Variants in EIF3M observed in about 807,000 individuals in gnomAD.
The protein encoded by EIF3M is B5 receptor.
EIF3M carries 25 observed loss-of-function variants against 49.7 expected under a neutral mutation model. The observed-to-expected ratio is 0.50, with a 90% CI of 0.37 to 0.70. The LOEUF (loss-of-function observed/expected upper bound fraction) is 0.70, where lower values mean the gene tolerates loss of function less well. EIF3M is among the 30% of genes least tolerant of loss of function. EIF3M has a pLI of 0.00. For missense variants in EIF3M, 350 were observed against 440.0 expected (o/e 0.80, Z 1.83); for synonymous variants, 156 against 149.8 (o/e 1.04, Z -0.30).
intron 5 of EIF3M, chr11:32,592,403 AAGT>A: frequency 1.8e-6 from 1 of 548,012 alleles, no homozygotes; most frequent in South Asian, 1.4e-5. Context: ...ATACTTTTCA[AAGT>A]AGTCTCTCAA....
chr11:32,584,607 C>CAAA lies in EIF3M; in HGVS notation c.42+697_42+699dup, dbSNP rs796738414. ...TGGGCGACAGAGCGAGAGTCCCTCT[C>CAAA]AAAAAAAAAAAAAAAAAAAAAGATC... On this transcript the variant is annotated intron_variant, in intron 1 of 10. Transcript: ENST00000531120. Among the ~76,000 whole-genome samples the CAAA allele has an allele frequency of 3.0e-4, 19 of 62,300 alleles. 1 individual carries two copies. The highest frequency in any genetic ancestry group is 2.1e-3 in the South Asian group (2 of 932). 40.9% of individuals were successfully genotyped at this position (62,300 alleles called of 152,430 possible).
intron 5 of EIF3M, among the ~76,000 whole-genome samples, chr11:32,593,191 T>G (rs2133198638): frequency 6.6e-6 from 1 of 152,360 alleles, no homozygotes; most frequent in Non-Finnish European, 1.5e-5. Context: ...TTAGCAAAGC[T>G]TTCTATAAGC....
intron 10 of EIF3M, 99 bp from the exon 11 acceptor site, chr11:32,602,178 ATT>A: frequency 6.7e-7 from 1 of 1,488,126 alleles, no homozygotes; most frequent in African/African-American, 1.4e-5. Context: ...AATTAGGTAT[ATT>A]TAATCTTGCT....
chr11:32,594,992 G>C lies in EIF3M; in HGVS notation c.696G>C (p.Leu232Phe). The part of the protein sequence containing the change: ...HLLTLKPVKF[L>F]EGELIHDLLT... ...TTACTTTAAAACCAGTCAAGTTTTT[G>C]GAAGGCGAGCTTATTCATGATGTAA... The change falls in exon 7 of 11, where the codon TTG becomes TTC. Residue 232 changes from leucine to phenylalanine, a missense_variant. Coordinates refer to ENST00000531120, the MANE Select transcript of EIF3M (RefSeq NM_006360.6). 6.2e-7 allele frequency: 1 copy of C among 1,613,362 alleles called. No individual in the cohort carries two copies. Among genetic ancestry groups the C allele is most frequent in the Non-Finnish European group, 8.5e-7 (1 of 1,179,712 alleles).
intron 4 of EIF3M, 106 bp from the exon 5 acceptor site, chr11:32,589,441 G>A: frequency 8.6e-7 from 1 of 1,158,330 alleles, no homozygotes; most frequent in Non-Finnish European, 1.2e-6. Flanking sequence ...CTCCCAAAGT[G>A]CTGGGGATTA....
chr11:32,601,475 G>A lies in EIF3M; in HGVS notation c.944-287G>A, dbSNP rs147111619. 206 of 252,548 alleles carry A rather than the reference G, an allele frequency of 8.2e-4. 5 individuals carry two copies. The highest frequency in any genetic ancestry group is 4.5e-3 in the African/African-American group (196 of 43,168). 15.6% of individuals were successfully genotyped at this position (252,548 alleles called of 1,614,324 possible). The stretch of plus-strand genomic sequence containing the variant: ...TTAGTTTATTCCCCTATATGAGATG[G>A]TAGGGGAAGAACACCTAGCATTCTT... On this transcript the variant is annotated intron_variant, in intron 9 of 10. Transcript: ENST00000531120.
intron 8 of EIF3M, among the ~76,000 whole-genome samples, chr11:32,597,536 G>GT (rs747527557): frequency 6.6e-6 from 1 of 152,124 alleles, no homozygotes; most frequent in South Asian, 2.1e-4. Flanking sequence ...CTTGTCTAGC[G>GT]TATCAGTTCA....
At chr11:32,583,953 G>A in intron 1 of EIF3M, 24 bp downstream of exon 1, 2 of 1,613,432 alleles carry the variant, frequency 1.2e-6, no homozygotes, top group Non-Finnish European at 8.5e-7. Flanking sequence ...TACGGGTGCC[G>A]CCACGGTGGG....
chr11:32,602,286 A>G lies in EIF3M; in HGVS notation c.1012A>G (p.Thr338Ala). The G allele has an allele frequency of 6.2e-7, 1 of 1,611,030 alleles. No homozygotes were observed. The highest frequency in any genetic ancestry group is 2.2e-5 in the East Asian group (1 of 44,754). The change falls in exon 11 of 11, where the codon ACA becomes GCA. Residue 338 changes from threonine (T) to alanine (A), a missense_variant. Physicochemically the swap from Thr to Ala is moderately conservative, Grantham distance 58. Transcript: ENST00000531120. ...TQRKVVVSHS[T>A]HRTFGKQQWQ... ...TAATTTTTCAATTTTTAGTCATAGC[A>G]CACATCGGACATTTGGAAAACAGCA...
chr11:32,589,730 T>C lies in EIF3M; in HGVS notation c.533+89T>C, dbSNP rs574209110. On this transcript the variant is annotated intron_variant, in intron 5 of 10. Coordinates refer to ENST00000531120, the MANE Select transcript of EIF3M (RefSeq NM_006360.6). ...TTAAAGAGAAGTAGGGCCAGTAATT[T>C]TGCTTTACTCTGTTCTCCACAGAGT... is the stretch of plus-strand genomic sequence containing the variant. The C allele has an allele frequency of 8.9e-5, 105 of 1,174,990 alleles. No homozygotes were observed. The African/African-American group carries it at 1.5e-3, about 17-fold the overall frequency. The allele number at this position is 1,174,990 out of a possible 1,614,324, so 72.8% of individuals were successfully genotyped here.
intron 1 of EIF3M, among the ~76,000 whole-genome samples, chr11:32,585,062 C>A (rs75368921): frequency 6.6e-6 from 1 of 152,128 alleles, no homozygotes; most frequent in South Asian, 2.1e-4. Context: ...AGACAACTTA[C>A]AGAATTGCGG....
Position 32,588,626 on chromosome 11 carries a change from C to CT in EIF3M, c.209dup (p.Leu71ThrfsTer14), listed in dbSNP as rs1855042400. On this transcript the variant is annotated frameshift_variant, in exon 3 of 11. Transcript: ENST00000531120. LOFTEE classifies it high-confidence loss of function. Reference sequence around the variant, plus strand: ...AAGTGTGATGAACAGTGTGGTATCCCTACTCTTGATCCTGGAACCAGACAA... The same window carrying CT: ...AAGTGTGATGAACAGTGTGGTATCCCTTACTCTTGATCCTGGAACCAGACAA... 2 of 1,614,118 alleles carry CT rather than the reference C, an allele frequency of 1.2e-6. No individual in the cohort carries two copies.
chr11:32,587,166 A>C (rs1195838579), intron 2 of EIF3M, 22 bp downstream of exon 2: 1 of 1,539,162 alleles, frequency 6.5e-7, no homozygotes, highest in East Asian at 2.3e-5. Flanking sequence ...ATTTTTTTCT[A>C]ATATTTCCTA....
intron 7 of EIF3M, 132 bp from the exon 8 acceptor site, chr11:32,595,832 CAG>C (rs1400360071): frequency 2.8e-5 from 18 of 641,596 alleles, no homozygotes; most frequent in East Asian, 9.8e-5. Context: ...TTTGATGAAA[CAG>C]AATGATATTT....
At chr11:32,595,638 A>G (rs1055460547) in intron 7 of EIF3M, among the ~76,000 whole-genome samples, 1 of 152,218 alleles carries the variant, frequency 6.6e-6, no homozygotes, top group Non-Finnish European at 1.5e-5. Context: ...ACTTAGGAAT[A>G]TAAGTCTGAT....
Position 32,595,350 on chromosome 11 carries a change from A to G in EIF3M, c.717+337A>G, listed in dbSNP as rs566197539. 2.0e-5 allele frequency among the ~76,000 whole-genome samples: 3 copies of G among 151,886 alleles called. No individual in the cohort carries two copies. In the East Asian group the frequency reaches 5.8e-4, roughly 30 times the overall value. On this transcript the variant is annotated intron_variant, in intron 7 of 10. Transcript: ENST00000531120. Reference sequence around the variant, plus strand: ...AAGCAATTCTCCTGCCTCAGCTTCCAGGAGAAGTAGCTGGGATTACAGGCA... The same window carrying G: ...AAGCAATTCTCCTGCCTCAGCTTCCGGGAGAAGTAGCTGGGATTACAGGCA...
rs115236034 is a variant in EIF3M at position 32,588,979 on chromosome 11, C to G, written c.315-33C>G. On this transcript the variant is annotated intron_variant, in intron 3 of 10. Coordinates refer to ENST00000531120, the MANE Select transcript of EIF3M (RefSeq NM_006360.6). Reference sequence around the variant, plus strand: ...TCAACTTAAAACTGGTTGCTGATTTCAAACATTGTTTATTTGTTTGTTAAC... The same window carrying G: ...TCAACTTAAAACTGGTTGCTGATTTGAAACATTGTTTATTTGTTTGTTAAC... 6.7e-4 allele frequency: 1,087 copies of G among 1,611,332 alleles called. 9 individuals carry two copies. The African/African-American group carries it at 0.013, about 20-fold the overall frequency.
At position 32,594,134 on chromosome 11, in the gene EIF3M, A is replaced by T. The variant is rs1855144282; in HGVS notation, c.617+185A>T. On this transcript the variant is annotated intron_variant, in intron 6 of 10. Transcript: ENST00000531120. ...AGGTTTGATATTGGAAGAACTGTGG[A>T]TTGAATATGAAGTAGCTGCATGGCG... 7.7e-6 allele frequency: 3 copies of T among 390,602 alleles called. No homozygotes were observed. In the Admixed American group the frequency reaches 1.4e-4, roughly 18 times the overall value. 24.2% of individuals were successfully genotyped at this position (390,602 alleles called of 1,614,324 possible).
rs757894482 is a variant in EIF3M, at chr11:32,589,530, T to C, written c.439-17T>C. ...ATATGTGTTACTCAGTTTTCTCCTTTTGTCAATCTCTTGTAGGTTAGAAAA... is the reference window on the plus strand; with the variant it reads ...ATATGTGTTACTCAGTTTTCTCCTTCTGTCAATCTCTTGTAGGTTAGAAAA... On this transcript the variant is annotated splice_polypyrimidine_tract_variant and intron_variant, in intron 4 of 10. Transcript: ENST00000531120. 1 of 1,606,914 alleles carries C rather than the reference T, an allele frequency of 6.2e-7. No individual in the cohort carries two copies. The highest frequency in any genetic ancestry group is 1.4e-5 in the African/African-American group (1 of 73,312).
Sources: gnomAD v4.1 joint callset for allele counts (sites outside exome capture counted in the v4.1 genomes callset) on GRCh38, gnomAD v4.1.1 for gene constraint, MANE v1.5 for transcripts, NCBI Gene and HGNC (gene_info 2026-07-23, HGNC 2026-07-21) for gene names.